TAFA5: variants seen among roughly 807,000 people sequenced by gnomAD.
TAFA5 encodes chemokine-like protein TAFA-5.
In TAFA5, 6 loss-of-function variants were observed where a neutral mutation model predicts 15.3. The observed-to-expected ratio is 0.39, with a 90% CI of 0.21 to 0.77. The LOEUF is 0.77. TAFA5 is among the 30% of genes least tolerant of loss of function. The pLI is 0.41. For synonymous variants in TAFA5, 103 were observed against 80.7 expected, an observed-to-expected ratio of 1.28 and a Z score of -1.48; for missense variants, 161 against 193.1, an observed-to-expected ratio of 0.83 and a Z score of 0.98.
intron 2 of TAFA5, among the ~76,000 whole-genome samples, chr22:48,684,981 A>T (rs942662193): frequency 6.6e-6 from 1 of 152,192 alleles, no homozygotes. Context: ...TCTCAGGAAG[A>T]CCACGTGTGC....
At chr22:48,585,830 C>T (rs749448406) in intron 1 of TAFA5, among the ~76,000 whole-genome samples, 26 of 152,074 alleles carry the variant, frequency 1.7e-4, no homozygotes, top group Non-Finnish European at 3.1e-4. Flanking sequence ...GAAACACACC[C>T]CCACACAAAC....
At chr22:48,657,697 A>T (rs888526006) in intron 2 of TAFA5, among the ~76,000 whole-genome samples, 1 of 152,170 alleles carries the variant, frequency 6.6e-6, no homozygotes, top group African/African-American at 2.4e-5. Flanking sequence ...AGTGACATCC[A>T]TGCCTGCATC....
chr22:48,535,480 G>A lies in TAFA5; in HGVS notation c.112+45776G>A, dbSNP rs180893255. Among the ~76,000 whole-genome samples, 37 of 152,380 alleles carry A rather than the reference G, an allele frequency of 2.4e-4. No homozygotes were observed. The East Asian group carries it at 6.7e-3, about 28-fold the overall frequency. On this transcript the variant is annotated intron_variant, in intron 1 of 3. Coordinates refer to ENST00000402357, the MANE Select transcript of TAFA5 (RefSeq NM_001082967.3). ...CTGTGTTGCTATACGCATATGTGTA[G>A]GTGTGAGCACACTGCACACGCAATG...
intron 2 of TAFA5, chr22:48,693,527 C>T (rs951209969): frequency 1.2e-5 from 18 of 1,460,640 alleles, no homozygotes; most frequent in African/African-American, 2.8e-5. Context: ...AGGTGAGGCC[C>T]GCAGGAGGGG....
At chr22:48,669,247 C>T (rs147638040) in intron 2 of TAFA5, among the ~76,000 whole-genome samples, 1,790 of 152,328 alleles carry the variant, frequency 0.012, 42 homozygotes, top group African/African-American at 0.04. Context: ...TGGCAGCCTG[C>T]GTACACTAAG....
chr22:48,559,620 G>A (rs546661021), intron 1 of TAFA5, among the ~76,000 whole-genome samples: 2 of 152,198 alleles, frequency 1.3e-5, no homozygotes, highest in South Asian at 2.1e-4. Context: ...CTTTTCTGGG[G>A]CAGTCAAGCC....
At chr22:48,501,279 C>T (rs1920950311) in intron 1 of TAFA5, among the ~76,000 whole-genome samples, 1 of 152,228 alleles carries the variant, frequency 6.6e-6, no homozygotes, top group Admixed American at 6.5e-5. Flanking sequence ...TTGAGTCAGC[C>T]CCCGAGGCCT....
At chr22:48,557,054 G>T (rs1413524011) in intron 1 of TAFA5, among the ~76,000 whole-genome samples, 1 of 152,216 alleles carries the variant, frequency 6.6e-6, no homozygotes, top group Non-Finnish European at 1.5e-5. Context: ...TGGGAGGCCC[G>T]CAGGGAGCGG....
At chr22:48,701,042 C>T (rs1734305041) in intron 2 of TAFA5, among the ~76,000 whole-genome samples, 1 of 152,128 alleles carries the variant, frequency 6.6e-6, no homozygotes, top group African/African-American at 2.4e-5. Context: ...GAAGCACTGC[C>T]AGCTGTGGAG....
chr22:48,618,797 T>A (rs1169911530), intron 1 of TAFA5, among the ~76,000 whole-genome samples: 1 of 152,154 alleles, frequency 6.6e-6, no homozygotes, highest in East Asian at 1.9e-4. Flanking sequence ...GGGTTGCCTC[T>A]GAGGCTCTCC....
intron 1 of TAFA5, among the ~76,000 whole-genome samples, chr22:48,518,074 A>G (rs1921477409): frequency 6.6e-6 from 1 of 152,342 alleles, no homozygotes; most frequent in African/African-American, 2.4e-5. Context: ...ACTTCAAGGA[A>G]GAATCCCCCA....
intron 1 of TAFA5, among the ~76,000 whole-genome samples, chr22:48,594,345 G>A (rs568382144): frequency 2.0e-5 from 3 of 152,306 alleles, no homozygotes; most frequent in East Asian, 1.9e-4. Flanking sequence ...TGGGGTGCAC[G>A]CATGTAGGGG....
At chr22:48,662,024 G>GTGAC (rs1465827714) in intron 2 of TAFA5, among the ~76,000 whole-genome samples, 1 of 151,386 alleles carries the variant, frequency 6.6e-6, no homozygotes, top group Non-Finnish European at 1.5e-5. Context: ...TGGGGAGATG[G>GTGAC]TGACTGGGGG....
chr22:48,723,429 C>T (rs570328151), intron 3 of TAFA5, among the ~76,000 whole-genome samples: 5 of 152,246 alleles, frequency 3.3e-5, no homozygotes, highest in Non-Finnish European at 4.4e-5. Context: ...TCAGTGCCGG[C>T]GTCTTCGTCA....
chr22:48,717,392 A>AGC (rs1929434012), intron 3 of TAFA5, among the ~76,000 whole-genome samples: 2 of 152,214 alleles, frequency 1.3e-5, no homozygotes, highest in African/African-American at 4.8e-5. Context: ...CCCTGCACGT[A>AGC]CCTGTGCTTC....
intron 1 of TAFA5, among the ~76,000 whole-genome samples, chr22:48,588,501 G>A (rs552089261): frequency 6.6e-6 from 1 of 152,340 alleles, no homozygotes; most frequent in East Asian, 1.9e-4. Flanking sequence ...CAGGCAGGGT[G>A]GGTGCTACCT....
At chr22:48,623,545 C>T (rs534762821) in intron 1 of TAFA5, among the ~76,000 whole-genome samples, 4 of 152,282 alleles carry the variant, frequency 2.6e-5, no homozygotes, top group Admixed American at 2.0e-4. Flanking sequence ...AGGTCCCTGG[C>T]GTGAGTTGGT....
intron 1 of TAFA5, among the ~76,000 whole-genome samples, chr22:48,635,804 G>A (rs1032164844): frequency 3.9e-5 from 6 of 152,218 alleles, no homozygotes; most frequent in African/African-American, 7.2e-5. Context: ...AACCACAGAC[G>A]CTCTGGCTTG....
At chr22:48,589,933 A>G (rs1924499716) in intron 1 of TAFA5, among the ~76,000 whole-genome samples, 2 of 151,992 alleles carry the variant, frequency 1.3e-5, no homozygotes, top group African/African-American at 4.8e-5. Context: ...CGGCCAGAGG[A>G]ACCGGATATA....
Sources: gnomAD v4.1 joint callset for allele counts (sites outside exome capture counted in the v4.1 genomes callset) on GRCh38, gnomAD v4.1.1 for gene constraint, MANE v1.5 for transcripts, NCBI Gene and HGNC (gene_info 2026-07-23, HGNC 2026-07-21) for gene names.